HYOU1: variants seen among roughly 807,000 people sequenced by gnomAD.
HYOU1 encodes the protein hypoxia up-regulated 1.
HYOU1 carries 40 observed loss-of-function variants against 120.5 expected under a neutral mutation model. That is an observed-to-expected ratio of 0.33 (90% CI 0.26 to 0.43). The LOEUF is 0.43. HYOU1 is among the 20% of genes least tolerant of loss of function. The pLI is 1.00. For missense variants in HYOU1, 1,085 were observed against 1,278.3 expected, an observed-to-expected ratio of 0.85 and a Z score of 2.31; for synonymous variants, 501 against 479.4, an observed-to-expected ratio of 1.05 and a Z score of -0.59.
At chr11:119,047,035 C>T (rs1944122683) in intron 22 of HYOU1, 4 of 524,550 alleles carry the variant, frequency 7.6e-6, no homozygotes. Flanking sequence ...GGAGTGACTA[C>T]AACTGAACAA....
Position 119,051,688 on chromosome 11 carries a change from T to C in HYOU1, c.1339-63A>G. On this transcript the variant is annotated intron_variant, in intron 12 of 25. Transcript: ENST00000617285. The surrounding 1 kb of genome is among the most constrained non-coding windows in gnomAD (Gnocchi z 4.2). ...TAGAGAACCCGAGTAGGTTCTGGGG[T>C]AAGGATGGGGGTGGGATGGGGGAGA... The C allele has an allele frequency of 6.2e-7, 1 of 1,600,130 alleles. No individual in the cohort carries two copies. The highest frequency in any genetic ancestry group is 8.5e-7 in the Non-Finnish European group (1 of 1,170,338).
At position 119,051,884 on chromosome 11, in the gene HYOU1, C is replaced by A; in HGVS notation, c.1273G>T (p.Ala425Ser). ...AAMGAVYQAA[A>S]LSKAFKVKPF... ...TTCACTTTAAAGGCTTTGCTGAGCG[C>A]AGCTGCCTGGTACACTGCCCCCATG... The change falls in exon 12 of 26, where the codon GCG (alanine) becomes TCG (serine). Residue 425 changes from alanine (A) to serine (S), a missense_variant. Physicochemically the swap from Ala to Ser is moderately conservative, Grantham distance 99. Transcript: ENST00000617285. This position sits in a 1 kb window ranked among gnomAD's most constrained non-coding sequence, Gnocchi z 4.2. 3 of 1,614,188 alleles carry A rather than the reference C, an allele frequency of 1.9e-6. No homozygotes were observed. In the South Asian group the frequency reaches 3.3e-5, roughly 18 times the overall value.
intron 22 of HYOU1, 97 bp from the exon 23 acceptor site, chr11:119,046,899 A>C: frequency 6.7e-7 from 1 of 1,489,010 alleles, no homozygotes; most frequent in Non-Finnish European, 9.0e-7. Context: ...CTCTTCCCTC[A>C]GACTGCAAAT....
rs1944209288 is a variant in HYOU1, at chr11:119,048,351, T to TCGG, written c.2270_2272dup (p.Pro757_Glu758insAla). 6.2e-7 allele frequency: 1 copy of TCGG among 1,609,734 alleles called. No individual in the cohort carries two copies. The highest frequency in any genetic ancestry group is 8.5e-7 in the Non-Finnish European group (1 of 1,179,932). ...CTCCTCTGTGGACACTTCCTGGTACTCGGGCTGGTACAGCTTGTCCTGGGG... is the reference window on the plus strand; with the variant it reads ...CTCCTCTGTGGACACTTCCTGGTACTCGGCGGGCTGGTACAGCTTGTCCTGGGG... On this transcript the variant is annotated inframe_insertion, in exon 20 of 26. Transcript: ENST00000617285. The surrounding 1 kb of genome is among the most constrained non-coding windows in gnomAD (Gnocchi z 4.7).
In HYOU1 at chr11:119,045,827, G is replaced by T; in HGVS notation, c.2892C>A (p.Ser964=). The T allele has an allele frequency of 6.2e-7, 1 of 1,612,616 alleles. No individual in the cohort carries two copies. The highest frequency in any genetic ancestry group is 8.5e-7 in the Non-Finnish European group (1 of 1,179,668). Reference sequence around the variant, plus strand: ...CCAAAGGCTCAGTGTCTCCTGGCTCGGATCCTGCTTTGGGAAGAAACAGGT... The same window carrying T: ...CCAAAGGCTCAGTGTCTCCTGGCTCTGATCCTGCTTTGGGAAGAAACAGGT... ...ISEPEKVETG[S]EPGDTEPLEL... Residue 964 remains serine (S), a synonymous_variant, in exon 25 of 26, where the codon TCC becomes TCA. Coordinates refer to ENST00000617285, the MANE Select transcript of HYOU1 (RefSeq NM_006389.5).
At chr11:119,050,019 T>G (rs1413347255) in intron 14 of HYOU1, among the ~76,000 whole-genome samples, 182 bp from the exon 15 acceptor site, 1 of 152,206 alleles carries the variant, frequency 6.6e-6, no homozygotes, top group African/African-American at 2.4e-5. Flanking sequence ...CCTCCATGAA[T>G]AGGGTCCCAG....
rs2133544713 is a variant in HYOU1, at chr11:119,045,779, A to C, written c.2938+2T>G. 4.3e-6 allele frequency: 7 copies of C among 1,612,346 alleles called. No homozygotes were observed. In the South Asian group the frequency reaches 5.5e-5, roughly 13 times the overall value. ...CCACCGTAGCCCCGGCTCCATCCTC[A>C]CCTGCTCCAGGACCTCCTAACTCCA... On this transcript the variant is annotated splice_donor_variant, in intron 25 of 25. Coordinates refer to ENST00000617285, the MANE Select transcript of HYOU1 (RefSeq NM_006389.5). LOFTEE classifies it high-confidence loss of function.
rs2133568638 is a variant in HYOU1 at position 119,048,964 on chromosome 11, C to T, written c.1992+54G>A. On this transcript the variant is annotated intron_variant, in intron 17 of 25. Coordinates refer to ENST00000617285, the MANE Select transcript of HYOU1 (RefSeq NM_006389.5). This position sits in a 1 kb window ranked among gnomAD's most constrained non-coding sequence, Gnocchi z 4.7. ...TCCACAAGGCCAGAAACAAGGCAGG[C>T]GCCTGCTCCCTTAGCCTCTGGATCC... 2.5e-5 allele frequency: 40 copies of T among 1,610,938 alleles called. No homozygotes were observed. The highest frequency in any genetic ancestry group is 4.4e-5 in the South Asian group (4 of 90,826).
chr11:119,052,241 G>C lies in HYOU1; in HGVS notation c.1122+54C>G. The C allele has an allele frequency of 6.2e-7, 1 of 1,613,932 alleles. No individual in the cohort carries two copies. Among genetic ancestry groups the C allele is most frequent in the Middle Eastern group, 1.6e-4 (1 of 6,062 alleles). On this transcript the variant is annotated intron_variant, in intron 10 of 25. Transcript: ENST00000617285. The surrounding 1 kb of genome is among the most constrained non-coding windows in gnomAD (Gnocchi z 5.0). ...ACTGACTCGTCCCTTGACGTCCCAT[G>C]GGTTTCCTATGCCCTTTCCTACGGG...
chr11:119,050,719 CCAAAAAAAAAAAAAAAAAAAAAAAAAAA>C (rs1944384312), intron 14 of HYOU1, among the ~76,000 whole-genome samples: 1 of 52,868 alleles, frequency 1.9e-5, no homozygotes, highest in Admixed American at 2.4e-4. Context: ...AAGACCCTCT[CCAAAAAAAAAAAAAAAAAAAAAAAAAAA>C]AAAAAAAAAA....
chr11:119,052,186 G>T lies in HYOU1; in HGVS notation c.1123-14C>A. The stretch of plus-strand genomic sequence containing the variant: ...CTCAATCTCATCCTGCAGTGGGTAA[G>T]AATGACAGGTGCAACAGCATGCAGT... On this transcript the variant is annotated splice_polypyrimidine_tract_variant and intron_variant, in intron 10 of 25. Transcript: ENST00000617285. The surrounding 1 kb of genome is among the most constrained non-coding windows in gnomAD (Gnocchi z 5.0). 1 of 1,614,124 alleles carries T rather than the reference G, an allele frequency of 6.2e-7. No individual in the cohort carries two copies. The highest frequency in any genetic ancestry group is 8.5e-7 in the Non-Finnish European group (1 of 1,179,998).
At position 119,046,559 on chromosome 11, in the gene HYOU1, C is replaced by A; in HGVS notation, c.2836+3G>T. 1 of 1,613,734 alleles carries A rather than the reference C, an allele frequency of 6.2e-7. No individual in the cohort carries two copies. Among genetic ancestry groups the A allele is most frequent in the Non-Finnish European group, 8.5e-7 (1 of 1,179,772 alleles). On this transcript the variant is annotated splice_donor_region_variant and intron_variant, in intron 23 of 25. Coordinates refer to ENST00000617285, the MANE Select transcript of HYOU1 (RefSeq NM_006389.5). ...AACATGCAGCCAGGTACCCTGTTCT[C>A]ACCTGCTGGAGGGATGACCTTCTCC...
In HYOU1 at chr11:119,045,527, G is replaced by T; in HGVS notation, c.*66C>A. ...AGGACCAACCCCTCCCCCAACCCTC[G>T]ATGTTAAATAAATAGAAGTGGTGGG... On this transcript the variant is annotated 3_prime_UTR_variant, in exon 26 of 26. Transcript: ENST00000617285. 7.3e-7 allele frequency: 1 copy of T among 1,373,848 alleles called. No homozygotes were observed. The highest frequency in any genetic ancestry group is 1.0e-6 in the Non-Finnish European group (1 of 961,158). 85.1% of individuals were successfully genotyped at this position (1,373,848 alleles called of 1,614,324 possible). A position where few individuals can be genotyped will look rare whatever the true frequency, so the allele number is the denominator to read the frequency against.
At position 119,052,067 on chromosome 11, in the gene HYOU1, A is replaced by G. The variant is rs12797531; in HGVS notation, c.1205+23T>C. On this transcript the variant is annotated intron_variant, in intron 11 of 25. Coordinates refer to ENST00000617285, the MANE Select transcript of HYOU1 (RefSeq NM_006389.5). This position sits in a 1 kb window ranked among gnomAD's most constrained non-coding sequence, Gnocchi z 5.0. Reference sequence around the variant, plus strand: ...CCCTGCCCCAGGCAGAACTCAGCCAAGCGCTCTAGCCCCCACACTCACTTG... The same window carrying G: ...CCCTGCCCCAGGCAGAACTCAGCCAGGCGCTCTAGCCCCCACACTCACTTG... The G allele has an allele frequency of 6.2e-7, 1 of 1,614,072 alleles. No homozygotes were observed.
At chr11:119,050,830 A>T (rs1484299851) in intron 14 of HYOU1, among the ~76,000 whole-genome samples, 1 of 151,982 alleles carries the variant, frequency 6.6e-6, no homozygotes, top group Non-Finnish European at 1.5e-5. Flanking sequence ...CAATAGTTCC[A>T]AGAAATTTAC....
Position 119,052,409 on chromosome 11 carries a change from A to G in HYOU1, c.1008T>C (p.Asp336=). The stretch of plus-strand genomic sequence containing the variant: ...GAGTCACTTTTGCCTTGAAGTCCAC[A>G]TCATCCATCAGGCCTTCAATCTGGG... ...HMAQIEGLMD[D]VDFKAKVTRV... The change falls in exon 10 of 26, where the codon GAT becomes GAC. Residue 336 remains aspartate (D), a synonymous_variant. Transcript: ENST00000617285. This position sits in a 1 kb window ranked among gnomAD's most constrained non-coding sequence, Gnocchi z 5.0. The G allele has an allele frequency of 6.2e-7, 1 of 1,614,186 alleles. No individual in the cohort carries two copies. The highest frequency in any genetic ancestry group is 8.5e-7 in the Non-Finnish European group (1 of 1,180,028).
In HYOU1 at chr11:119,055,653, A is replaced by G. The variant is rs1174112532; in HGVS notation, c.186-82T>C. 1.3e-6 allele frequency: 2 copies of G among 1,497,372 alleles called. No homozygotes were observed. Among genetic ancestry groups the G allele is most frequent in the Admixed American group, 3.3e-5 (2 of 59,810 alleles). 92.8% of individuals were successfully genotyped at this position (1,497,372 alleles called of 1,614,324 possible). Reference sequence around the variant, plus strand: ...GACACTCACACACATTTAACCACTCAGATGCCGAAGTCTGCTGTGGGCACT... The same window carrying G: ...GACACTCACACACATTTAACCACTCGGATGCCGAAGTCTGCTGTGGGCACT... On this transcript the variant is annotated intron_variant, in intron 3 of 25. Coordinates refer to ENST00000617285, the MANE Select transcript of HYOU1 (RefSeq NM_006389.5). This position sits in a 1 kb window ranked among gnomAD's most constrained non-coding sequence, Gnocchi z 4.0.
chr11:119,051,541 G>A lies in HYOU1; in HGVS notation c.1423C>T (p.Pro475Ser), dbSNP rs1208541510. The A allele has an allele frequency of 1.2e-6, 2 of 1,614,162 alleles. No homozygotes were observed. The highest frequency in any genetic ancestry group is 2.2e-5 in the East Asian group (1 of 44,880). ...NKRVLFSRMG[P>S]YPQRKVITFN... ...GTGATGACTTTGCGTTGAGGGTAGG[G>A]CCCCATCCGAGAGAAGAGTACCCGT... The change falls in exon 13 of 26, where the codon CCC (proline) becomes TCC (serine). Residue 475 changes from proline (P) to serine (S), a missense_variant. Physicochemically the swap from Pro to Ser is moderately conservative, Grantham distance 74. Coordinates refer to ENST00000617285, the MANE Select transcript of HYOU1 (RefSeq NM_006389.5). This position sits in a 1 kb window ranked among gnomAD's most constrained non-coding sequence, Gnocchi z 4.2.
Position 119,054,508 on chromosome 11 carries a change from T to C in HYOU1, c.664A>G (p.Asn222Asp), listed in dbSNP as rs2133605388. ...SYGVFRRKDI[N>D]TTAQNIMFYD... ...CCCTGGCTCACCTGGGCAGTGGTGT[T>C]AATATCTTTCCGGCGGAAGACACCA... Residue 222 changes from asparagine (N) to aspartate (D), a missense_variant, in exon 7 of 26, where the codon AAC (asparagine) becomes GAC (aspartate). Asn to Asp is a conservative substitution (Grantham distance 23). This residue lies in a region of HYOU1 where 515 missense variants were observed against 677.8 expected (regional missense o/e 0.76). Transcript: ENST00000617285. 1 of 1,614,172 alleles carries C rather than the reference T, an allele frequency of 6.2e-7. No individual in the cohort carries two copies. The highest frequency in any genetic ancestry group is 2.2e-5 in the East Asian group (1 of 44,884).
Sources: allele counts gnomAD v4.1 joint callset (sites outside exome capture counted in the v4.1 genomes callset), GRCh38; gene constraint gnomAD v4.1.1; regional missense constraint gnomAD v4.1.1; non-coding constraint Gnocchi (gnomAD v3.1); transcripts MANE v1.5; gene names NCBI Gene and HGNC (gene_info 2026-07-23, HGNC 2026-07-21).